Variants in TSPAN8 observed in about 807,000 individuals in gnomAD.
The protein encoded by TSPAN8 is tetraspanin 8.
In TSPAN8, 21 loss-of-function variants were observed where a neutral mutation model predicts 32.8. The ratio of observed to expected loss-of-function variants is 0.64; its 90% CI spans 0.45 to 0.92. The LOEUF (loss-of-function observed/expected upper bound fraction) is 0.92, where lower values mean the gene tolerates loss of function less well. Ranked by LOEUF, TSPAN8 falls within the 40% of genes least tolerant of loss-of-function variation. The probability of loss-of-function intolerance (pLI) is 0.00; values close to 1 mark genes in which losing one functional copy is unlikely to be tolerated. For missense variants in TSPAN8, 269 were observed against 281.9 expected (o/e 0.95, Z 0.33); for synonymous variants, 95 against 94.6 (o/e 1.00, Z -0.03).
chr12:71,153,510 C>G (rs151184785), intron 2 of TSPAN8, among the ~76,000 whole-genome samples: 1 of 152,168 alleles, frequency 6.6e-6, no homozygotes, highest in Admixed American at 6.5e-5. Context: ...ATTTTAACAT[C>G]GGCTCTACTT....
intron 3 of TSPAN8, 89 bp from the exon 4 acceptor site, chr12:71,139,937 T>C (rs1401601484): frequency 7.4e-7 from 1 of 1,347,544 alleles, no homozygotes; most frequent in Non-Finnish European, 1.0e-6. Context: ...GTGCCTCCTA[T>C]GTGTCAAGTC....
At chr12:71,129,826 A>T (rs1485650446) in intron 7 of TSPAN8, among the ~76,000 whole-genome samples, 1 of 152,150 alleles carries the variant, frequency 6.6e-6, no homozygotes, top group African/African-American at 2.4e-5. Context: ...TAGAGCTGAT[A>T]CCACCTTGAC....
At chr12:71,151,588 T>C (rs1430240560) in intron 2 of TSPAN8, among the ~76,000 whole-genome samples, 1 of 152,190 alleles carries the variant, frequency 6.6e-6, no homozygotes, top group African/African-American at 2.4e-5. Flanking sequence ...AATTCAGTAA[T>C]ATTCTTACCA....
At chr12:71,152,473 C>A (rs1484403047) in intron 2 of TSPAN8, among the ~76,000 whole-genome samples, 1 of 152,120 alleles carries the variant, frequency 6.6e-6, no homozygotes, top group Non-Finnish European at 1.5e-5. Context: ...TTAATTCCTA[C>A]TTCTTTATAT....
chr12:71,141,208 G>T (rs2137054053), intron 3 of TSPAN8, among the ~76,000 whole-genome samples: 1 of 152,276 alleles, frequency 6.6e-6, no homozygotes, highest in South Asian at 2.1e-4. Context: ...GGCCTCCTTT[G>T]TCTCTAAAAG....
chr12:71,129,438 A>G (rs775644771), intron 7 of TSPAN8, 24 bp from the exon 8 acceptor site: 1 of 1,546,512 alleles, frequency 6.5e-7, no homozygotes, highest in South Asian at 1.2e-5. Context: ...AAAACATTAA[A>G]AGTTACCTCT....
intron 2 of TSPAN8, among the ~76,000 whole-genome samples, chr12:71,153,711 T>C (rs1872328649): frequency 6.6e-6 from 1 of 152,208 alleles, no homozygotes; most frequent in African/African-American, 2.4e-5. Flanking sequence ...GAGCTGAGCA[T>C]AGACGGGAGA....
chr12:71,129,254 G>C, intron 8 of TSPAN8, 77 bp downstream of exon 8: 1 of 1,125,348 alleles, frequency 8.9e-7, no homozygotes, highest in Non-Finnish European at 1.2e-6. Flanking sequence ...CTGTTTGTTT[G>C]TTCACCATCA....
At position 71,125,356 on chromosome 12, in the gene TSPAN8, T is replaced by C; in HGVS notation, c.692A>G (p.Tyr231Cys). The C allele has an allele frequency of 6.2e-7, 1 of 1,612,898 alleles. No homozygotes were observed. Among genetic ancestry groups the C allele is most frequent in the South Asian group, 1.1e-5 (1 of 90,834 alleles). ...GATTCATTTGTTCCCGATCTGGCAA[T>C]ACAGGACCATAGAAAACACCAAACC... is the stretch of plus-strand genomic sequence containing the variant. ...ILGLVFSMVL[Y>C]CQIGNK The change falls in exon 9 of 9, where the codon TAT becomes TGT. Residue 231 changes from tyrosine (Y) to cysteine (C), a missense_variant. By Grantham distance (194) the Tyr-to-Cys change is radical. Transcript: ENST00000247829.
chr12:71,127,524 G>A (rs981831406), intron 8 of TSPAN8, among the ~76,000 whole-genome samples: 7 of 152,120 alleles, frequency 4.6e-5, no homozygotes, highest in South Asian at 2.1e-4. Flanking sequence ...TTCAAAAACG[G>A]TTCTGTTTTA....
chr12:71,155,886 C>G (rs1405967243), intron 2 of TSPAN8, among the ~76,000 whole-genome samples: 1 of 151,954 alleles, frequency 6.6e-6, no homozygotes, highest in Non-Finnish European at 1.5e-5. Flanking sequence ...GGCGTGCCAC[C>G]ATGCCCGGCT....
intron 4 of TSPAN8, 86 bp downstream of exon 4, chr12:71,139,625 G>T: frequency 1.3e-6 from 2 of 1,482,710 alleles, no homozygotes; most frequent in Non-Finnish European, 1.8e-6. Flanking sequence ...ATCAATCATG[G>T]CACGTTCTTT....
chr12:71,155,888 T>C (rs1458420921), intron 2 of TSPAN8, among the ~76,000 whole-genome samples: 1 of 152,030 alleles, frequency 6.6e-6, no homozygotes, highest in Admixed American at 6.5e-5. Context: ...CGTGCCACCA[T>C]GCCCGGCTAA....
intron 7 of TSPAN8, 122 bp from the exon 8 acceptor site, chr12:71,129,536 G>A: frequency 9.2e-7 from 1 of 1,086,292 alleles, no homozygotes; most frequent in East Asian, 3.0e-5. Context: ...TTAACGACAA[G>A]GAACTGGGTT....
Position 71,139,842 on chromosome 12 carries a change from C to A in TSPAN8, c.130G>T (p.Gly44Cys), listed in dbSNP as rs79443892. ...GAGCTAGAGCCTACATCTTCAGAACCAAAAATCTGAAGTAAAAAAGAGATT... is the reference window on the plus strand; with the variant it reads ...GAGCTAGAGCCTACATCTTCAGAACAAAAAATCTGAAGTAAAAAAGAGATT... ...RVSNDSQAIF[G>C]SEDVGSSSYV... The change falls in exon 4 of 9, where the codon GGT becomes TGT. Residue 44 changes from glycine (G) to cysteine (C), a missense_variant. Coordinates refer to ENST00000247829, the MANE Select transcript of TSPAN8 (RefSeq NM_004616.3). The A allele has an allele frequency of 3.7e-6, 6 of 1,600,974 alleles. No homozygotes were observed. Among genetic ancestry groups the A allele is most frequent in the East Asian group, 2.2e-5 (1 of 44,786 alleles).
At chr12:71,155,825 A>T (rs906856651) in intron 2 of TSPAN8, among the ~76,000 whole-genome samples, 1 of 151,702 alleles carries the variant, frequency 6.6e-6, no homozygotes, top group Non-Finnish European at 1.5e-5. Flanking sequence ...TCCCCCTGCC[A>T]GGTTCAAGCA....
rs572164309 is a variant in TSPAN8, at chr12:71,133,720, T to C, written c.445-896A>G. Among the ~76,000 whole-genome samples, 43 of 152,110 alleles carry C rather than the reference T, an allele frequency of 2.8e-4. 1 individual carries two copies. Among genetic ancestry groups the C allele is most frequent in the Admixed American group, 2.8e-3 (43 of 15,284 alleles). ...TACAGTCCCAGAATAAACTGATCCATGGAAAACACTAAAAAAGAGGGTTTG... is the reference window on the plus strand; with the variant it reads ...TACAGTCCCAGAATAAACTGATCCACGGAAAACACTAAAAAAGAGGGTTTG... On this transcript the variant is annotated intron_variant, in intron 6 of 8. Coordinates refer to ENST00000247829, the MANE Select transcript of TSPAN8 (RefSeq NM_004616.3).
At chr12:71,137,619 G>T (rs769778505) in intron 6 of TSPAN8, among the ~76,000 whole-genome samples, 2 of 151,930 alleles carry the variant, frequency 1.3e-5, no homozygotes, top group Non-Finnish European at 2.9e-5. Flanking sequence ...AAAAGGGGGA[G>T]AGAGAGAGAA....
intron 2 of TSPAN8, among the ~76,000 whole-genome samples, chr12:71,156,224 T>C (rs1416484536): frequency 1.5e-5 from 2 of 132,932 alleles, no homozygotes; most frequent in Non-Finnish European, 3.0e-5. Flanking sequence ...CTATCCTATC[T>C]TCTTTAGTGA....
Sources: gnomAD v4.1 joint callset for allele counts (sites outside exome capture counted in the v4.1 genomes callset) on GRCh38, gnomAD v4.1.1 for gene constraint, MANE v1.5 for transcripts, NCBI Gene and HGNC (gene_info 2026-07-23, HGNC 2026-07-21) for gene names.